Variants in PCDH15 observed in about 807,000 individuals in gnomAD.
PCDH15 encodes protocadherin-15.
In PCDH15, 129 loss-of-function variants were observed where a neutral mutation model predicts 178.5. The ratio of observed to expected loss-of-function variants is 0.72; its 90% CI spans 0.63 to 0.84. The LOEUF (loss-of-function observed/expected upper bound fraction) is 0.84. Ranked by LOEUF, PCDH15 falls within the 40% of genes least tolerant of loss-of-function variation. The pLI, the probability that PCDH15 is intolerant of heterozygous loss-of-function variation, is 0.00. For missense variants in PCDH15, 2,230 were observed against 2,099.9 expected, an observed-to-expected ratio of 1.06 and a Z score of -1.21; for synonymous variants, 800 against 732.0, an observed-to-expected ratio of 1.09 and a Z score of -1.50.
intron 1 of PCDH15, among the ~76,000 whole-genome samples, chr10:54,761,185 G>T (rs998707275): frequency 6.6e-6 from 1 of 151,962 alleles, no homozygotes; most frequent in African/African-American, 2.4e-5. Context: ...TACACTCCTT[G>T]CCTTTCTGCC....
At chr10:53,987,184 A>T (rs2091165246) in intron 21 of PCDH15, among the ~76,000 whole-genome samples, 1 of 152,120 alleles carries the variant, frequency 6.6e-6, no homozygotes, top group African/African-American at 2.4e-5. Context: ...AATGAAGAAA[A>T]ATTAATTTGG....
chr10:54,181,651 A>T (rs1274685558), intron 13 of PCDH15, among the ~76,000 whole-genome samples: 1 of 152,174 alleles, frequency 6.6e-6, no homozygotes, highest in Non-Finnish European at 1.5e-5. Context: ...CAGATACAGA[A>T]ATAAACTAGT....
At chr10:54,266,656 G>A (rs990423168) in intron 8 of PCDH15, among the ~76,000 whole-genome samples, 43 of 151,858 alleles carry the variant, frequency 2.8e-4, no homozygotes, top group Non-Finnish European at 4.1e-4. Context: ...AAGATTCTCA[G>A]AGACTACTAT....
chr10:53,893,781 T>C (rs992746302), intron 26 of PCDH15, among the ~76,000 whole-genome samples: 1 of 152,022 alleles, frequency 6.6e-6, no homozygotes, highest in Non-Finnish European at 1.5e-5. Context: ...ACAATGAATT[T>C]TGGGGACTCG....
chr10:54,206,554 C>T (rs1434689551), intron 10 of PCDH15, among the ~76,000 whole-genome samples: 1 of 151,960 alleles, frequency 6.6e-6, no homozygotes, highest in African/African-American at 2.4e-5. Context: ...TTTTTGTCAA[C>T]CAAGAGAAAA....
chr10:54,758,087 G>T (rs540197505), intron 1 of PCDH15, among the ~76,000 whole-genome samples: 3 of 152,102 alleles, frequency 2.0e-5, no homozygotes, highest in African/African-American at 4.8e-5. Flanking sequence ...TATGCTTTTG[G>T]TATAAATTTA....
intron 9 of PCDH15, among the ~76,000 whole-genome samples, chr10:54,220,825 AAAATAAAT>A (rs10595887): frequency 0.054 from 7,708 of 143,098 alleles, 257 homozygotes; most frequent in Admixed American, 0.092. Flanking sequence ...ACTCCGTCTC[AAAATAAAT>A]AAATAAATAA....
chr10:54,045,798 G>C (rs1053301430), intron 18 of PCDH15, among the ~76,000 whole-genome samples: 7 of 151,956 alleles, frequency 4.6e-5, no homozygotes, highest in Non-Finnish European at 7.4e-5. Context: ...TTTTAAGCAA[G>C]GTCAAAAGAA....
chr10:54,729,538 C>A lies in PCDH15; in HGVS notation c.-28-65248G>T, dbSNP rs987414573. 4.0e-5 allele frequency among the ~76,000 whole-genome samples: 6 copies of A among 151,530 alleles called. No individual in the cohort carries two copies. In the South Asian group the frequency reaches 1.2e-3, roughly 31 times the overall value. On this transcript the variant is annotated intron_variant, in intron 1 of 37. Coordinates refer to ENST00000644397, the MANE Select transcript of PCDH15 (RefSeq NM_001384140.1). ...ACTACAAAAGCAATTGCAATAAAAA[C>A]AAAAATTGACAAGTGGGACCTAATT...
In PCDH15 at chr10:53,855,904, G is replaced by GTATATATATATATATATATATATATA. The variant is rs56290679; in HGVS notation, c.3806+1270_3806+1271insTATATATATATATATATATATATATA. Among the ~76,000 whole-genome samples, 482 of 109,382 alleles carry GTATATATATATATATATATATATATA rather than the reference G, an allele frequency of 4.4e-3. 15 individuals carry two copies. The highest frequency in any genetic ancestry group is 0.022 in the East Asian group (22 of 996). 71.8% of individuals were successfully genotyped at this position (109,382 alleles called of 152,430 possible). On this transcript the variant is annotated intron_variant, in intron 28 of 37. Coordinates refer to ENST00000644397, the MANE Select transcript of PCDH15 (RefSeq NM_001384140.1). ...TAAAAGTTAAAAAAAAAGGTGATATGTATATATATATATATATGTATGTGT... is the reference window on the plus strand; with the variant it reads ...TAAAAGTTAAAAAAAAAGGTGATATGTATATATATATATATATATATATATATATATATATATATATATGTATGTGT...
intron 2 of PCDH15, among the ~76,000 whole-genome samples, chr10:55,123,698 C>G (rs1837828694): frequency 6.6e-6 from 1 of 152,124 alleles, no homozygotes; most frequent in African/African-American, 2.4e-5. Context: ...ATAGGAATGA[C>G]TTATATAACT....
In PCDH15 at chr10:54,988,240, G is replaced by T. The variant is rs77044197; in HGVS notation, c.-79-90740C>A. On this transcript the variant is annotated intron_variant, in intron 2 of 5. Coordinates refer to the PCDH15 transcript ENST00000458638. ...GGTCTATATGTCTGTTTTGGTACTA[G>T]TACCACACTGTTTTGGTTTGTTTTG... Among the ~76,000 whole-genome samples, 68 of 152,248 alleles carry T rather than the reference G, an allele frequency of 4.5e-4. 1 individual carries two copies. The South Asian group carries it at 0.014, about 32-fold the overall frequency.
intron 1 of PCDH15, among the ~76,000 whole-genome samples, chr10:55,177,649 T>C (rs1839531790): frequency 6.6e-6 from 1 of 152,184 alleles, no homozygotes; most frequent in Non-Finnish European, 1.5e-5. Context: ...AGTCTCCAGC[T>C]AACATACAAC....
rs565105647 is a variant in PCDH15, at chr10:53,991,239, G to C, written c.2868+4410C>G. Among the ~76,000 whole-genome samples, 264 of 152,314 alleles carry C rather than the reference G, an allele frequency of 1.7e-3. 1 individual carries two copies. Among genetic ancestry groups the C allele is most frequent in the African/African-American group, 5.6e-3 (232 of 41,566 alleles). ...GGCAGGCAGCTCTGCCTGCAGCCCC[G>C]GCGTGGGATCCACTAGCCAAAGCCA... On this transcript the variant is annotated intron_variant, in intron 21 of 37. Transcript: ENST00000644397.
intron 3 of PCDH15, among the ~76,000 whole-genome samples, chr10:54,464,678 C>T (rs2077405085): frequency 6.6e-6 from 1 of 152,244 alleles, no homozygotes; most frequent in Middle Eastern, 3.4e-3. Flanking sequence ...ATTCATTAAT[C>T]TTTACACAAG....
chr10:54,484,739 C>A (rs572459539), intron 3 of PCDH15, among the ~76,000 whole-genome samples: 1 of 151,496 alleles, frequency 6.6e-6, no homozygotes, highest in Non-Finnish European at 1.5e-5. Context: ...AGAAATCGAA[C>A]GACAATGCAA....
In PCDH15 at chr10:54,008,061, G is replaced by A. The variant is rs1226706212; in HGVS notation, c.2751+12131C>T. Among the ~76,000 whole-genome samples the A allele has an allele frequency of 2.2e-4, 34 of 152,100 alleles. 1 individual carries two copies. Among genetic ancestry groups the A allele is most frequent in the Admixed American group, 2.2e-3 (33 of 15,276 alleles). On this transcript the variant is annotated intron_variant, in intron 20 of 37. Transcript: ENST00000644397. ...ATACTAGAATTTTAAAGTTATATTT[G>A]TGATAATCCCCACCCTGAGTTATCA...
chr10:53,984,122 CTTT>C (rs57184119), intron 21 of PCDH15, among the ~76,000 whole-genome samples: 1 of 112,690 alleles, frequency 8.9e-6, no homozygotes, highest in African/African-American at 3.6e-5. Flanking sequence ...AAGTGCTTTT[CTTT>C]TTTTTTTTTT....
chr10:55,014,105 T>A (rs1737723306), intron 2 of PCDH15, among the ~76,000 whole-genome samples: 1 of 152,102 alleles, frequency 6.6e-6, no homozygotes, highest in Non-Finnish European at 1.5e-5. Context: ...ATCATTAAAA[T>A]ATATTTACAT....
Sources: allele counts gnomAD v4.1 joint callset (sites outside exome capture counted in the v4.1 genomes callset), GRCh38; gene constraint gnomAD v4.1.1; transcripts MANE v1.5; gene names NCBI Gene and HGNC (gene_info 2026-07-23, HGNC 2026-07-21).